SGPP1: variants seen among roughly 807,000 people sequenced by gnomAD.
The protein encoded by SGPP1 is sphingosine-1-phosphate phosphatase 1, also known as hSPP1.
SGPP1 carries 21 observed loss-of-function variants against 33.0 expected under a neutral mutation model. That is an observed-to-expected ratio of 0.64 (90% confidence interval 0.45 to 0.92). The LOEUF is 0.92. Among genes scored for constraint, SGPP1 ranks in the 40% least tolerant of loss-of-function variants. The pLI is 0.00. For synonymous variants in SGPP1, 239 were observed against 241.2 expected, an observed-to-expected ratio of 0.99 and a Z score of 0.08; for missense variants, 543 against 589.4, an observed-to-expected ratio of 0.92 and a Z score of 0.81.
intron 2 of SGPP1, among the ~76,000 whole-genome samples, chr14:63,693,258 T>C (rs1885122530): frequency 6.6e-6 from 1 of 152,380 alleles, no homozygotes; most frequent in Middle Eastern, 3.4e-3. Flanking sequence ...AGAGCCCAAA[T>C]TGCCAAAATA....
At position 63,727,612 on chromosome 14, in the gene SGPP1, G is replaced by C. The variant is rs1415174943; in HGVS notation, c.333C>G (p.Asn111Lys). The change falls in exon 1 of 3, where the codon AAC (asparagine) becomes AAG (lysine). Residue 111 changes from asparagine to lysine, a missense_variant. Asn to Lys is a moderately conservative substitution (Grantham distance 94). Coordinates refer to ENST00000247225, the MANE Select transcript of SGPP1 (RefSeq NM_030791.4). ...SPRRAGALRR[N>K]SLTGEEGQLA... ...GCTGGCCCTCCTCGCCCGTCAGCGA[G>C]TTGCGGCGCAGAGCGCCCGCGCGCC... 1 of 1,518,864 alleles carries C rather than the reference G, an allele frequency of 6.6e-7. No homozygotes were observed. The highest frequency in any genetic ancestry group is 8.8e-7 in the Non-Finnish European group (1 of 1,140,408). The allele number at this position is 1,518,864 out of a possible 1,614,324, so 94.1% of individuals were successfully genotyped here.
rs534395340 is a variant in SGPP1 at position 63,722,391 on chromosome 14, C to T, written c.684+4870G>A. Among the ~76,000 whole-genome samples the T allele has an allele frequency of 1.6e-4, 24 of 147,760 alleles. No homozygotes were observed. In the South Asian group the frequency reaches 4.7e-3, roughly 29 times the overall value. On this transcript the variant is annotated intron_variant, in intron 1 of 2. Transcript: ENST00000247225. The stretch of plus-strand genomic sequence containing the variant: ...AAAAAAAAAAAAAAAATTAGCCGGG[C>T]GTGGTGGGGCGTGCCTGTAATCCCA...
At chr14:63,713,485 G>A (rs1595069956) in intron 1 of SGPP1, among the ~76,000 whole-genome samples, 2 of 152,110 alleles carry the variant, frequency 1.3e-5, no homozygotes, top group South Asian at 4.1e-4. Context: ...TGGCCTAAAC[G>A]GTCTATGTCA....
At chr14:63,692,666 G>C (rs948762587) in intron 2 of SGPP1, among the ~76,000 whole-genome samples, 7 of 151,928 alleles carry the variant, frequency 4.6e-5, no homozygotes, top group Non-Finnish European at 7.4e-5. Context: ...TGCTCAGGCT[G>C]GTCTTGAACT....
chr14:63,714,340 A>G (rs1055254171), intron 1 of SGPP1, among the ~76,000 whole-genome samples: 1 of 152,218 alleles, frequency 6.6e-6, no homozygotes, highest in African/African-American at 2.4e-5. Flanking sequence ...TCAGATGACC[A>G]CAGTTAATAA....
intron 1 of SGPP1, among the ~76,000 whole-genome samples, chr14:63,726,581 G>A (rs574509240): frequency 4.6e-5 from 7 of 152,102 alleles, no homozygotes; most frequent in Non-Finnish European, 8.8e-5. Flanking sequence ...AGTTAATGAG[G>A]CAATAACACT....
chr14:63,721,017 G>A (rs1279215897), intron 1 of SGPP1, among the ~76,000 whole-genome samples: 1 of 152,052 alleles, frequency 6.6e-6, no homozygotes. Flanking sequence ...CAAGTAGTTG[G>A]GACTACAGGC....
intron 1 of SGPP1, among the ~76,000 whole-genome samples, chr14:63,725,478 G>A (rs1326014313): frequency 6.6e-6 from 1 of 152,178 alleles, no homozygotes; most frequent in Non-Finnish European, 1.5e-5. Flanking sequence ...TAATGTAACT[G>A]GTCAGTTTGC....
intron 1 of SGPP1, among the ~76,000 whole-genome samples, chr14:63,700,185 C>G (rs1015880050): frequency 1.3e-5 from 2 of 152,124 alleles, no homozygotes; most frequent in African/African-American, 4.8e-5. Flanking sequence ...GTGCAGTGAG[C>G]CAATGCACCT....
chr14:63,701,372 CAG>C (rs1885295992), intron 1 of SGPP1, among the ~76,000 whole-genome samples: 1 of 152,046 alleles, frequency 6.6e-6, no homozygotes, highest in Admixed American at 6.6e-5. Flanking sequence ...TTAATTAAAA[CAG>C]ATATAAAAAT....
chr14:63,707,795 G>A (rs900320085), intron 1 of SGPP1, among the ~76,000 whole-genome samples: 1 of 151,888 alleles, frequency 6.6e-6, no homozygotes, highest in Non-Finnish European at 1.5e-5. Flanking sequence ...CATCTGCTTC[G>A]AGGCTCCAGA....
intron 1 of SGPP1, among the ~76,000 whole-genome samples, chr14:63,723,652 G>A (rs1047867006): frequency 6.6e-6 from 1 of 151,688 alleles, no homozygotes; most frequent in Non-Finnish European, 1.5e-5. Context: ...CGGGGAGGCA[G>A]AGTTTGCAGT....
At chr14:63,702,408 GA>G (rs199983018) in intron 1 of SGPP1, among the ~76,000 whole-genome samples, 1 of 151,502 alleles carries the variant, frequency 6.6e-6, no homozygotes, top group African/African-American at 2.4e-5. Flanking sequence ...TTTTTTTATG[GA>G]AAAAAAATAT....
chr14:63,696,992 A>G (rs1399352127), intron 2 of SGPP1, among the ~76,000 whole-genome samples: 1 of 152,024 alleles, frequency 6.6e-6, no homozygotes, highest in African/African-American at 2.4e-5. Flanking sequence ...TCTCAAAAAG[A>G]AAAAAAAGTG....
chr14:63,702,958 T>C (rs1454828972), intron 1 of SGPP1, among the ~76,000 whole-genome samples: 1 of 152,040 alleles, frequency 6.6e-6, no homozygotes, highest in Non-Finnish European at 1.5e-5. Context: ...GATACATATG[T>C]ACAGGAAAAA....
chr14:63,703,258 T>C (rs937262130), intron 1 of SGPP1, among the ~76,000 whole-genome samples: 2 of 151,652 alleles, frequency 1.3e-5, no homozygotes, highest in Non-Finnish European at 2.9e-5. Context: ...CCACTTTCAG[T>C]AGCATCCTAA....
intron 1 of SGPP1, among the ~76,000 whole-genome samples, chr14:63,718,887 C>G (rs1381960967): frequency 6.9e-6 from 1 of 145,172 alleles, no homozygotes; most frequent in Admixed American, 7.1e-5. Flanking sequence ...TTCAACTTTA[C>G]TGATAAGACT....
rs1368514050 is a variant in SGPP1, at chr14:63,684,460, G to A, written c.*1645C>T. Reference sequence around the variant, plus strand: ...TACCAATATTTTCCTACATGCCTTGGTTTCCTTTTAACTAATAAGTAAAGG... The same window carrying A: ...TACCAATATTTTCCTACATGCCTTGATTTCCTTTTAACTAATAAGTAAAGG... On this transcript the variant is annotated 3_prime_UTR_variant, in exon 3 of 3. Coordinates refer to ENST00000247225, the MANE Select transcript of SGPP1 (RefSeq NM_030791.4). The A allele has an allele frequency of 2.6e-5, 4 of 152,034 alleles. No individual in the cohort carries two copies. The highest frequency in any genetic ancestry group is 5.9e-5 in the Non-Finnish European group (4 of 67,912). 9.4% of individuals were successfully genotyped at this position (152,034 alleles called of 1,614,324 possible).
intron 2 of SGPP1, among the ~76,000 whole-genome samples, chr14:63,687,588 A>G (rs1885005251): frequency 6.6e-6 from 1 of 152,248 alleles, no homozygotes; most frequent in Non-Finnish European, 1.5e-5. Context: ...GTGACAGTTG[A>G]GCACAGATCT....
Sources: gnomAD v4.1 joint callset for allele counts (sites outside exome capture counted in the v4.1 genomes callset) on GRCh38, gnomAD v4.1.1 for gene constraint, MANE v1.5 for transcripts, NCBI Gene and HGNC (gene_info 2026-07-23, HGNC 2026-07-21) for gene names.